BLTP1: variants seen among roughly 807,000 people sequenced by gnomAD.
BLTP1 encodes the protein fragile site-associated protein.
chr4:122,316,715 C>T, the BLTP1 span: 1 of 1,598,560 alleles, frequency 6.3e-7, no homozygotes, highest in South Asian at 1.1e-5. Flanking sequence ...TTGACAGATA[C>T]ACTTTTGACT....
the BLTP1 span, chr4:122,261,411 T>A: frequency 1.0e-6 from 1 of 985,346 alleles, no homozygotes; most frequent in Non-Finnish European, 1.2e-6. Flanking sequence ...AAATGCTTAG[T>A]TTCCGATCTT....
At chr4:122,154,680 T>C in the BLTP1 span, among the ~76,000 whole-genome samples, 2 of 152,178 alleles carry the variant, frequency 1.3e-5, no homozygotes, top group Non-Finnish European at 2.9e-5. Flanking sequence ...GAGACCATCC[T>C]GGCTAACATG....
chr4:122,209,863 A>G, the BLTP1 span: 23 of 1,613,522 alleles, frequency 1.4e-5, no homozygotes, highest in East Asian at 5.1e-4. Context: ...TCATGCTTAC[A>G]ATTGATTATA....
the BLTP1 span, chr4:122,293,145 T>C: frequency 1.0e-6 from 1 of 978,480 alleles, no homozygotes; most frequent in Non-Finnish European, 1.2e-6. Context: ...AACTTATATA[T>C]TTATGCCATA....
the BLTP1 span, chr4:122,208,360 T>G: frequency 5.1e-6 from 5 of 979,944 alleles, no homozygotes; most frequent in African/African-American, 5.3e-5. Flanking sequence ...TTAACCACTC[T>G]ACCTTGCTGC....
chr4:122,169,627 G>A, the BLTP1 span: 3 of 960,134 alleles, frequency 3.1e-6, no homozygotes, highest in South Asian at 1.4e-4. Context: ...CTTATTGTTG[G>A]TACATCTCAA....
the BLTP1 span, chr4:122,237,507 A>G: frequency 1.7e-5 from 8 of 462,276 alleles, no homozygotes; most frequent in Non-Finnish European, 2.3e-5. Context: ...GCAAAAGGGG[A>G]AAATGCTTAA....
chr4:122,349,501 C>G, the BLTP1 span: 2 of 1,606,374 alleles, frequency 1.2e-6, no homozygotes, highest in Non-Finnish European at 1.7e-6. The surrounding 1 kb of genome is among the most constrained non-coding windows in gnomAD (Gnocchi z 4.5). Flanking sequence ...ATTCAGATTA[C>G]TATGGGTTCT....
At chr4:122,188,901 A>G in the BLTP1 span, 1 of 977,262 alleles carries the variant, frequency 1.0e-6, no homozygotes, top group Middle Eastern at 5.2e-4. Context: ...CTGGCCTGGT[A>G]TTCGATTTTC....
At chr4:122,254,767 G>C in the BLTP1 span, 1 of 1,457,666 alleles carries the variant, frequency 6.9e-7, no homozygotes, top group African/African-American at 1.4e-5. Flanking sequence ...TACAAATTTT[G>C]ACACTTGTTT....
At chr4:122,174,272 T>C in the BLTP1 span, 2 of 985,040 alleles carry the variant, frequency 2.0e-6, no homozygotes, top group Non-Finnish European at 2.4e-6. Context: ...AATTAGTCAC[T>C]ACTTTGGGTT....
the BLTP1 span, chr4:122,280,220 A>C: frequency 1.0e-6 from 1 of 981,812 alleles, no homozygotes; most frequent in Non-Finnish European, 1.2e-6. Flanking sequence ...ACAAAGCTTA[A>C]GAGATCCTAG....
At chr4:122,296,760 C>CCA in the BLTP1 span, among the ~76,000 whole-genome samples, 2 of 152,090 alleles carry the variant, frequency 1.3e-5, no homozygotes, top group African/African-American at 2.4e-5. Flanking sequence ...AGAAATAAGA[C>CCA]CACACACCTA....
chr4:122,310,687 A>G, the BLTP1 span, among the ~76,000 whole-genome samples: 2 of 152,156 alleles, frequency 1.3e-5, no homozygotes, highest in Non-Finnish European at 1.5e-5. Flanking sequence ...CATATGACCT[A>G]CTTCAGAAGA....
At chr4:122,326,090 T>G in the BLTP1 span, among the ~76,000 whole-genome samples, 1 of 151,658 alleles carries the variant, frequency 6.6e-6, no homozygotes, top group South Asian at 2.1e-4. Context: ...TTGTCTTGGT[T>G]TTTACTTCTG....
At chr4:122,271,616 C>T in the BLTP1 span, 1 of 1,613,002 alleles carries the variant, frequency 6.2e-7, no homozygotes, top group Non-Finnish European at 8.5e-7. Flanking sequence ...ACAAAGTGAG[C>T]CTTCAGCTGA....
chr4:122,224,610 C>T, the BLTP1 span: 4 of 1,614,050 alleles, frequency 2.5e-6, no homozygotes, highest in Non-Finnish European at 3.4e-6. Flanking sequence ...GGAAGCGATT[C>T]CTTAGAATAC....
the BLTP1 span, chr4:122,187,900 T>C: frequency 6.3e-7 from 1 of 1,578,776 alleles, no homozygotes; most frequent in Non-Finnish European, 8.6e-7. Context: ...TTTAGGGACG[T>C]TTGGCCTTTG....
At chr4:122,277,211 C>A in the BLTP1 span, 1 of 415,150 alleles carries the variant, frequency 2.4e-6, no homozygotes, top group Non-Finnish European at 3.2e-6. Flanking sequence ...CATGGTGGCA[C>A]GTCTCTGTAG....
Sources: allele counts gnomAD v4.1 joint callset (sites outside exome capture counted in the v4.1 genomes callset), GRCh38; gene constraint gnomAD v4.1.1; non-coding constraint Gnocchi (gnomAD v3.1); transcripts MANE v1.5; gene names NCBI Gene and HGNC (gene_info 2026-07-23, HGNC 2026-07-21).